Variants in FRMD4A observed in about 807,000 individuals in gnomAD.
FRMD4A encodes FERM domain containing 4A.
FRMD4A carries 29 observed loss-of-function variants against 129.1 expected under a neutral mutation model. The observed-to-expected ratio is 0.22, with a 90% CI of 0.17 to 0.31. FRMD4A has a LOEUF of 0.31. Ranked by LOEUF, FRMD4A falls within the 10% of genes least tolerant of loss-of-function variation. The probability of loss-of-function intolerance (pLI) is 1.00; values close to 1 mark genes in which losing one functional copy is unlikely to be tolerated. For synonymous variants in FRMD4A, 634 were observed against 571.6 expected, an observed-to-expected ratio of 1.11 and a Z score of -1.56; for missense variants, 1,272 against 1,375.8, an observed-to-expected ratio of 0.92 and a Z score of 1.19.
intron 2 of FRMD4A, among the ~76,000 whole-genome samples, chr10:14,296,663 T>C (rs1397952966): frequency 6.6e-6 from 1 of 152,236 alleles, no homozygotes; most frequent in African/African-American, 2.4e-5. Flanking sequence ...AGGGAATTCA[T>C]GAATTCTTGT....
chr10:13,693,806 T>G, intron 15 of FRMD4A, 92 bp downstream of exon 15: 1 of 1,322,926 alleles, frequency 7.6e-7, no homozygotes, highest in Non-Finnish European at 1.1e-6. Flanking sequence ...TGCCCTGCAG[T>G]CTCCCCAGCT....
At chr10:13,901,409 G>C (rs755415915) in intron 2 of FRMD4A, among the ~76,000 whole-genome samples, 1 of 152,074 alleles carries the variant, frequency 6.6e-6, no homozygotes, top group Non-Finnish European at 1.5e-5. Context: ...TCAGGAGTTT[G>C]AGACCAGCCT....
intron 2 of FRMD4A, among the ~76,000 whole-genome samples, chr10:14,264,194 G>C (rs982204551): frequency 1.3e-5 from 2 of 152,086 alleles, no homozygotes; most frequent in African/African-American, 4.8e-5. Flanking sequence ...GGGGCAACTG[G>C]GCAGACATGA....
intron 4 of FRMD4A, among the ~76,000 whole-genome samples, chr10:13,801,933 G>A (rs1019981833): frequency 7.0e-6 from 1 of 142,604 alleles, no homozygotes; most frequent in Non-Finnish European, 1.5e-5. Flanking sequence ...ATGCCTTATA[G>A]CTTGGTTTTC....
rs1023100026 is a variant in FRMD4A, at chr10:14,315,088, C to T, written c.45+14970G>A. ...CTTGGAATTCTAGTTACCTTTCTGA[C>T]TGTTCCTTTCTTTGCCTTTTTTACG... On this transcript the variant is annotated intron_variant, in intron 2 of 24. Coordinates refer to ENST00000357447, the MANE Select transcript of FRMD4A (RefSeq NM_018027.5). Among the ~76,000 whole-genome samples, 8 of 152,160 alleles carry T rather than the reference C, an allele frequency of 5.3e-5. No individual in the cohort carries two copies. In the East Asian group the frequency reaches 1.5e-3, roughly 29 times the overall value.
intron 2 of FRMD4A, among the ~76,000 whole-genome samples, chr10:14,247,111 A>T (rs1386644511): frequency 1.3e-5 from 2 of 152,122 alleles, no homozygotes; most frequent in African/African-American, 4.8e-5. Flanking sequence ...TCTGGGTTGG[A>T]GCATCACATA....
intron 17 of FRMD4A, among the ~76,000 whole-genome samples, chr10:13,669,004 G>A (rs1324312285): frequency 1.3e-5 from 2 of 149,786 alleles, no homozygotes; most frequent in African/African-American, 4.9e-5. Flanking sequence ...ACCCCAAGAA[G>A]TAAGGGCTAT....
At chr10:14,152,588 G>A (rs1840393797) in intron 2 of FRMD4A, among the ~76,000 whole-genome samples, 1 of 152,200 alleles carries the variant, frequency 6.6e-6, no homozygotes, top group Non-Finnish European at 1.5e-5. Flanking sequence ...TGTGCATTAA[G>A]AATAGAGAGA....
At chr10:13,785,695 A>G (rs1283709599) in intron 5 of FRMD4A, among the ~76,000 whole-genome samples, 3 of 152,192 alleles carry the variant, frequency 2.0e-5, no homozygotes, top group African/African-American at 7.2e-5. Context: ...GTATGTATAC[A>G]TATGCCATGT....
In FRMD4A at chr10:14,330,091, C is replaced by A; in HGVS notation, c.12G>T (p.Gln4His). Residue 4 changes from glutamine to histidine, a missense_variant, in exon 2 of 25, where the codon CAG (glutamine) becomes CAT (histidine). Gln to His is a conservative substitution (Grantham distance 24). Transcript: ENST00000357447. Reference protein sequence around the residue: MAVQLVPDSALGLL... With the variant: MAVHLVPDSALGLL... ...GGCCGAGAGCTGAGTCGGGCACCAG[C>A]TGCACTGCCATGGTCTCCGATTCCC... 1 of 1,553,434 alleles carries A rather than the reference C, an allele frequency of 6.4e-7. No homozygotes were observed. Among genetic ancestry groups the A allele is most frequent in the Non-Finnish European group, 8.7e-7 (1 of 1,147,848 alleles).
At chr10:13,768,591 T>C (rs1486133023) in intron 6 of FRMD4A, among the ~76,000 whole-genome samples, 1 of 152,230 alleles carries the variant, frequency 6.6e-6, no homozygotes, top group Non-Finnish European at 1.5e-5. Context: ...AGCGTTTTCC[T>C]AACGAATTCT....
chr10:14,095,241 C>T (rs1836887864), intron 2 of FRMD4A, among the ~76,000 whole-genome samples: 2 of 152,146 alleles, frequency 1.3e-5, no homozygotes, highest in Non-Finnish European at 2.9e-5. Flanking sequence ...CAGCTCATGA[C>T]ACTTCTCCCC....
chr10:14,034,637 A>C (rs1309411822), intron 2 of FRMD4A, among the ~76,000 whole-genome samples: 1 of 152,192 alleles, frequency 6.6e-6, no homozygotes, highest in African/African-American at 2.4e-5. Context: ...CTCTACCTGC[A>C]CTTTACAACC....
intron 2 of FRMD4A, among the ~76,000 whole-genome samples, chr10:14,039,501 T>TCTATCTAC (rs916438303): frequency 3.3e-5 from 5 of 150,678 alleles, no homozygotes; most frequent in Admixed American, 3.3e-4. Flanking sequence ...TATCTATCTA[T>TCTATCTAC]CTATCTATCT....
At chr10:14,019,668 A>G (rs1832643902) in intron 2 of FRMD4A, among the ~76,000 whole-genome samples, 1 of 152,216 alleles carries the variant, frequency 6.6e-6, no homozygotes, top group African/African-American at 2.4e-5. Flanking sequence ...TAAAAATTAA[A>G]TTATAAACAG....
chr10:13,740,689 C>T (rs1349457769), intron 9 of FRMD4A, 112 bp from the exon 10 acceptor site: 6 of 650,976 alleles, frequency 9.2e-6, no homozygotes, highest in Non-Finnish European at 1.6e-5. Flanking sequence ...AAGGCACCAA[C>T]AGCTCCTGGA....
chr10:13,981,643 G>A (rs780496517), intron 2 of FRMD4A, among the ~76,000 whole-genome samples: 2 of 151,340 alleles, frequency 1.3e-5, no homozygotes, highest in African/African-American at 4.9e-5. Context: ...GGAAGCTGAG[G>A]CAGGAGAATC....
chr10:13,718,701 G>C (rs565589398), intron 12 of FRMD4A, among the ~76,000 whole-genome samples: 2 of 152,338 alleles, frequency 1.3e-5, no homozygotes, highest in South Asian at 4.1e-4. Context: ...AGCAGAGGAG[G>C]AAGCTGAGGT....
chr10:14,048,670 G>T (rs903707054), intron 2 of FRMD4A, among the ~76,000 whole-genome samples: 2 of 152,116 alleles, frequency 1.3e-5, no homozygotes, highest in African/African-American at 2.4e-5. Flanking sequence ...GCCAGGCGTG[G>T]TGTCAGGCAC....
Sources: gnomAD v4.1 joint callset for allele counts (sites outside exome capture counted in the v4.1 genomes callset) on GRCh38, gnomAD v4.1.1 for gene constraint, MANE v1.5 for transcripts, NCBI Gene and HGNC (gene_info 2026-07-23, HGNC 2026-07-21) for gene names.